Variants in ZNF549 observed in about 807,000 individuals in gnomAD.
The protein encoded by ZNF549 is zinc finger protein 549.
A neutral mutation model predicts 11.1 loss-of-function variants in ZNF549; 11 were observed. The observed-to-expected ratio is 0.99, with a 90% confidence interval of 0.62 to 1.64. The LOEUF is 1.64. Ranked by LOEUF, ZNF549 falls within the 40% of genes most tolerant of loss-of-function variation. The probability of loss-of-function intolerance (pLI) is 0.00; values close to 1 mark genes in which losing one functional copy is unlikely to be tolerated. For missense variants in ZNF549, 748 were observed against 765.1 expected (o/e 0.98, Z 0.26); for synonymous variants, 266 against 269.1 (o/e 0.99, Z 0.11).
intron 2 of ZNF549, among the ~76,000 whole-genome samples, chr19:57,532,484 T>C (rs1188909998): frequency 6.6e-6 from 1 of 152,152 alleles, no homozygotes; most frequent in Admixed American, 6.5e-5. Context: ...TGTGTTTGAA[T>C]GTCATTCAGT....
intron 2 of ZNF549, among the ~76,000 whole-genome samples, chr19:57,532,106 C>T (rs990669480): frequency 5.3e-5 from 8 of 152,176 alleles, no homozygotes; most frequent in African/African-American, 1.9e-4. Context: ...GTCTTGTTTA[C>T]ATCTCCCAGG....
chr19:57,533,478 A>G (rs1005039790), intron 2 of ZNF549, among the ~76,000 whole-genome samples: 4 of 152,064 alleles, frequency 2.6e-5, no homozygotes, highest in African/African-American at 9.7e-5. Flanking sequence ...GCTATGGCAT[A>G]TTTTAAAATG....
intron 1 of ZNF549, 79 bp downstream of exon 1, chr19:57,527,685 A>G (rs2089884608): frequency 1.3e-6 from 2 of 1,541,626 alleles, no homozygotes; most frequent in Non-Finnish European, 8.8e-7. Context: ...TCTGCAGTTC[A>G]GGCCTCTTCT....
Position 57,533,524 on chromosome 19 carries a change from AT to A in ZNF549, c.73-1609del, listed in dbSNP as rs549938729. Among the ~76,000 whole-genome samples the A allele has an allele frequency of 3.4e-3, 504 of 148,018 alleles. 1 individual carries two copies. The highest frequency in any genetic ancestry group is 3.6e-3 in the Non-Finnish European group (237 of 66,672). Reference sequence around the variant, plus strand: ...CCCTCTCTGCTGGAAGCACAAGGGGATTTTTTTTTTTCCAGTATTCACCATG... The same window carrying A: ...CCCTCTCTGCTGGAAGCACAAGGGGATTTTTTTTTTCCAGTATTCACCATG... On this transcript the variant is annotated intron_variant, in intron 2 of 3. Transcript: ENST00000376233.
chr19:57,536,937 TA>T (rs888627202), intron 3 of ZNF549, among the ~76,000 whole-genome samples: 5 of 151,464 alleles, frequency 3.3e-5, no homozygotes, highest in Non-Finnish European at 4.4e-5. Context: ...CAAGAAATTC[TA>T]AAAAAAAATT....
chr19:57,536,764 C>T (rs1033944850), intron 3 of ZNF549, among the ~76,000 whole-genome samples: 5 of 152,168 alleles, frequency 3.3e-5, no homozygotes, highest in Non-Finnish European at 7.3e-5. Flanking sequence ...GTATTATCTT[C>T]CTTGACCTGA....
intron 2 of ZNF549, among the ~76,000 whole-genome samples, chr19:57,532,614 A>G (rs145650581): frequency 6.6e-6 from 1 of 152,370 alleles, no homozygotes; most frequent in Admixed American, 6.5e-5. Flanking sequence ...CATCAGGAAA[A>G]TAGGAAGTTT....
chr19:57,531,554 C>T lies in ZNF549; in HGVS notation c.72+446C>T, dbSNP rs1376223189. Reference sequence around the variant, plus strand: ...TTTTTTTTCTTGTTAAGAACTCTCACCTTTTCACTTAAAGGAAGTACTTCA... The same window carrying T: ...TTTTTTTTCTTGTTAAGAACTCTCATCTTTTCACTTAAAGGAAGTACTTCA... On this transcript the variant is annotated intron_variant, in intron 2 of 3. Coordinates refer to ENST00000376233, the MANE Select transcript of ZNF549 (RefSeq NM_001199295.2). Among the ~76,000 whole-genome samples the T allele has an allele frequency of 2.6e-5, 4 of 152,142 alleles. No homozygotes were observed. In the South Asian group the frequency reaches 6.2e-4, roughly 24 times the overall value.
Position 57,527,373 on chromosome 19 carries a change from G to GCGCGTC in ZNF549, c.-196_-191dup. ...TGGTGGTCGTTTTTGCTGCCTGCGA[G>GCGCGTC]CGCGTCCGCGGGCTGGGCGTTTCCG... On this transcript the variant is annotated 5_prime_UTR_variant, in exon 1 of 4. Transcript: ENST00000376233. 1.4e-6 allele frequency: 1 copy of GCGCGTC among 698,376 alleles called. No homozygotes were observed. The highest frequency in any genetic ancestry group is 2.4e-6 in the Non-Finnish European group (1 of 410,418). The allele number at this position is 698,376 out of a possible 1,614,324, so 43.3% of individuals were successfully genotyped here. A position where few individuals can be genotyped will look rare whatever the true frequency, so the allele number is the denominator to read the frequency against.
At position 57,538,510 on chromosome 19, in the gene ZNF549, A is replaced by G. The variant is rs2089938773; in HGVS notation, c.1506A>G (p.Glu502=). 7 of 1,614,094 alleles carry G rather than the reference A, an allele frequency of 4.3e-6. No individual in the cohort carries two copies. The East Asian group carries it at 1.6e-4, about 36-fold the overall frequency. The change falls in exon 4 of 4, where the codon GAA becomes GAG. Residue 502 remains glutamate (E), a synonymous_variant. Coordinates refer to ENST00000376233, the MANE Select transcript of ZNF549 (RefSeq NM_001199295.2). ...TCCACACTAGAGAAAGGCCTTATGA[A>G]TGCAGTGAATGTGGAAAAGGCTTCT... is the stretch of plus-strand genomic sequence containing the variant. The part of the protein sequence containing the change: ...HKIHTRERPY[E]CSECGKGFYL...
In ZNF549 at chr19:57,537,288, A is replaced by T; in HGVS notation, c.284A>T (p.Lys95Met). 1 of 1,614,222 alleles carries T rather than the reference A, an allele frequency of 6.2e-7. No individual in the cohort carries two copies. Among genetic ancestry groups the T allele is most frequent in the South Asian group, 1.1e-5 (1 of 91,086 alleles). The change falls in exon 4 of 4, where the codon AAG (lysine) becomes ATG (methionine). Residue 95 changes from lysine (K) to methionine (M), a missense_variant. Transcript: ENST00000376233. ...GGAGTGTCACAGGCCAGGACTCCAA[A>T]GCTAGGTCCTTCCATCCCAAATGCT... ...AQGVSQARTP[K>M]LGPSIPNAHS...
At chr19:57,535,121 T>C in intron 2 of ZNF549, 23 bp from the exon 3 acceptor site, 1 of 1,610,744 alleles carries the variant, frequency 6.2e-7, no homozygotes, top group Non-Finnish European at 8.5e-7. Context: ...CTGCTCATGA[T>C]TTCATCTGCC....
In ZNF549 at chr19:57,537,215, G is replaced by A; in HGVS notation, c.211G>A (p.Gly71Arg). ...SLMASVGCLH[G>R]IEAEEAPSEQ... ...TTTTATGCTTTTAGGTTGTTTGCAT[G>A]GAATAGAGGCTGAGGAGGCCCCTTC... The change falls in exon 4 of 4, where the codon GGA becomes AGA. Residue 71 changes from glycine (G) to arginine (R), a missense_variant. Coordinates refer to ENST00000376233, the MANE Select transcript of ZNF549 (RefSeq NM_001199295.2). The A allele has an allele frequency of 6.2e-7, 1 of 1,610,198 alleles. No homozygotes were observed.
At chr19:57,534,081 AT>A (rs2089914434) in intron 2 of ZNF549, among the ~76,000 whole-genome samples, 1 of 152,156 alleles carries the variant, frequency 6.6e-6, no homozygotes. Flanking sequence ...ACCATGGCAG[AT>A]TTAAGAGGAA....
In ZNF549 at chr19:57,537,930, G is replaced by A. The variant is rs778190429; in HGVS notation, c.926G>A (p.Cys309Tyr). Residue 309 changes from cysteine (C) to tyrosine (Y), a missense_variant, in exon 4 of 4, where the codon TGT becomes TAT. Physicochemically the swap from Cys to Tyr is radical, Grantham distance 194. Transcript: ENST00000376233. ...TRERSYVCIE[C>Y]GKSLSSKYSL... ...GAAAGGTCTTATGTGTGCATCGAAT[G>A]TGGGAAATCCTTGAGCTCCAAATAC... 1.9e-6 allele frequency: 3 copies of A among 1,613,810 alleles called. No individual in the cohort carries two copies. Among genetic ancestry groups the A allele is most frequent in the African/African-American group, 1.3e-5 (1 of 74,830 alleles).
chr19:57,534,880 G>A (rs138335239), intron 2 of ZNF549, among the ~76,000 whole-genome samples: 93 of 152,298 alleles, frequency 6.1e-4, no homozygotes, highest in African/African-American at 2.1e-3. Context: ...GTGTGCAACC[G>A]GGGAGGGAGT....
rs2089952425 is a variant in ZNF549 at position 57,540,688 on chromosome 19, G to C, written c.*1761G>C. On this transcript the variant is annotated 3_prime_UTR_variant, in exon 4 of 4. Coordinates refer to ENST00000376233, the MANE Select transcript of ZNF549 (RefSeq NM_001199295.2). ...GGCAGGAGAATTGCTTGAACCTGGG[G>C]GGCGGAGGTTGCAATGAGCCAAGGT... The C allele has an allele frequency of 6.6e-6, 1 of 152,074 alleles. No homozygotes were observed. The highest frequency in any genetic ancestry group is 1.5e-5 in the Non-Finnish European group (1 of 68,026). 9.4% of individuals were successfully genotyped at this position (152,074 alleles called of 1,614,324 possible).
At chr19:57,532,783 G>A (rs980247821) in intron 2 of ZNF549, among the ~76,000 whole-genome samples, 1 of 152,186 alleles carries the variant, frequency 6.6e-6, no homozygotes. Context: ...GTTAAGTTTA[G>A]TGGTTTTCTG....
At chr19:57,532,895 T>C (rs2089909835) in intron 2 of ZNF549, among the ~76,000 whole-genome samples, 1 of 152,214 alleles carries the variant, frequency 6.6e-6, no homozygotes, top group Admixed American at 6.5e-5. Context: ...TTGCCTCATA[T>C]AGTTTGATGC....
Sources: gnomAD v4.1 joint callset for allele counts (sites outside exome capture counted in the v4.1 genomes callset) on GRCh38, gnomAD v4.1.1 for gene constraint, MANE v1.5 for transcripts, NCBI Gene and HGNC (gene_info 2026-07-23, HGNC 2026-07-21) for gene names.